The following EPB41L3 variants were observed in gnomAD, a reference collection of about 807,000 sequenced individuals.
EPB41L3 encodes the protein band 4.1-like protein 3.
EPB41L3 carries 57 observed loss-of-function variants against 127.1 expected under a neutral mutation model. That is an observed-to-expected ratio of 0.45 (90% CI 0.36 to 0.56). The LOEUF (loss-of-function observed/expected upper bound fraction) is 0.56. Among genes scored for constraint, EPB41L3 ranks in the 20% least tolerant of loss-of-function variants. The pLI, the probability that EPB41L3 is intolerant of heterozygous loss-of-function variation, is 0.00. For missense variants in EPB41L3, 1,273 were observed against 1,372.2 expected (o/e 0.93, Z 1.14); for synonymous variants, 572 against 549.5 (o/e 1.04, Z -0.57).
intron 3 of EPB41L3, among the ~76,000 whole-genome samples, chr18:5,474,980 T>A (rs372593243): frequency 1.3e-5 from 2 of 152,246 alleles, no homozygotes; most frequent in African/African-American, 4.8e-5. Flanking sequence ...TGACTTCCTA[T>A]AACTGCTACC....
intron 3 of EPB41L3, among the ~76,000 whole-genome samples, chr18:5,602,250 T>C (rs1239408638): frequency 1.3e-5 from 2 of 152,126 alleles, no homozygotes; most frequent in African/African-American, 4.8e-5. Context: ...ACTAACTCAT[T>C]TTCCCCTAAA....
At chr18:5,570,891 A>C (rs982159457) in intron 3 of EPB41L3, 2 of 152,256 alleles carry the variant, frequency 1.3e-5, no homozygotes, top group Non-Finnish European at 2.9e-5. Context: ...AGCTCTTATC[A>C]GCATTTTCCA....
intron 3 of EPB41L3, among the ~76,000 whole-genome samples, chr18:5,559,828 T>G (rs1188793003): frequency 2.0e-5 from 3 of 152,226 alleles, no homozygotes; most frequent in African/African-American, 4.8e-5. Flanking sequence ...ATAAAATCTT[T>G]TTCATCTACC....
At chr18:5,511,505 A>ATT (rs2148676698) in intron 1 of EPB41L3, among the ~76,000 whole-genome samples, 1 of 146,216 alleles carries the variant, frequency 6.8e-6, no homozygotes, top group South Asian at 2.1e-4. Flanking sequence ...TTTTTTCATA[A>ATT]TAAGTCTAAC....
At chr18:5,530,819 T>A (rs2093387626) in intron 1 of EPB41L3, among the ~76,000 whole-genome samples, 1 of 152,076 alleles carries the variant, frequency 6.6e-6, no homozygotes. Context: ...CAATTCCCCA[T>A]CACAGCACTT....
At chr18:5,549,473 G>A (rs1485758400) in intron 3 of EPB41L3, among the ~76,000 whole-genome samples, 1 of 152,172 alleles carries the variant, frequency 6.6e-6, no homozygotes, top group Non-Finnish European at 1.5e-5. Context: ...GATATCCAAG[G>A]CTGACTCATT....
In EPB41L3 at chr18:5,409,124, C is replaced by T. The variant is rs114923000; in HGVS notation, c.2122-1388G>A. Among the ~76,000 whole-genome samples, 905 of 152,260 alleles carry T rather than the reference C, an allele frequency of 5.9e-3. 2 individuals carry two copies. Among genetic ancestry groups the T allele is most frequent in the African/African-American group, 0.02 (850 of 41,554 alleles). On this transcript the variant is annotated intron_variant, in intron 14 of 22. Coordinates refer to ENST00000341928, the MANE Select transcript of EPB41L3 (RefSeq NM_012307.5). ...ATGGGACAGAGTTTCATCAGTATCA[C>T]GGGGCAAACAGGAAATTTAAACACA...
intron 11 of EPB41L3, among the ~76,000 whole-genome samples, chr18:5,422,053 C>G (rs1050775316): frequency 1.5e-4 from 23 of 151,952 alleles, no homozygotes; most frequent in African/African-American, 5.6e-4. Context: ...AGAGTGCTTT[C>G]ACATATATCT....
At chr18:5,517,351 T>C (rs1197443791) in intron 1 of EPB41L3, among the ~76,000 whole-genome samples, 1 of 152,098 alleles carries the variant, frequency 6.6e-6, no homozygotes, top group East Asian at 1.9e-4. Flanking sequence ...GTTTTCTGGG[T>C]ATCTCCCCAG....
chr18:5,400,823 C>T (rs1463202047), intron 16 of EPB41L3: 1 of 597,654 alleles, frequency 1.7e-6, no homozygotes, highest in Non-Finnish European at 2.9e-6. Flanking sequence ...ATTTTCCCTT[C>T]CCCAGAATCT....
chr18:5,614,068 T>C lies in EPB41L3; in HGVS notation c.-395+283A>G, dbSNP rs573342696. ...GAACACACAGCAGAAGGGCAAATGATACAAGATGAGGCTGCAGAAATGGAT... is the reference window on the plus strand; with the variant it reads ...GAACACACAGCAGAAGGGCAAATGACACAAGATGAGGCTGCAGAAATGGAT... On this transcript the variant is annotated intron_variant, in intron 2 of 21. Coordinates refer to the EPB41L3 transcript ENST00000545076. 2.0e-5 allele frequency among the ~76,000 whole-genome samples: 3 copies of C among 152,274 alleles called. No individual in the cohort carries two copies. The South Asian group carries it at 6.2e-4, about 32-fold the overall frequency.
chr18:5,448,083 C>T lies in EPB41L3; in HGVS notation c.382-2839G>A, dbSNP rs146514454. On this transcript the variant is annotated intron_variant, in intron 3 of 22. Transcript: ENST00000341928. Reference sequence around the variant, plus strand: ...CTATGGAAAAGGCTTTTAAGTTATTCGGGCCTCCATTTTCTCATCCTTGAG... The same window carrying T: ...CTATGGAAAAGGCTTTTAAGTTATTTGGGCCTCCATTTTCTCATCCTTGAG... Among the ~76,000 whole-genome samples, 508 of 152,280 alleles carry T rather than the reference C, an allele frequency of 3.3e-3. 1 individual carries two copies. Among genetic ancestry groups the T allele is most frequent in the Middle Eastern group, 6.8e-3 (2 of 292 alleles).
At chr18:5,408,858 ATG>A (rs1340888934) in intron 14 of EPB41L3, among the ~76,000 whole-genome samples, 4 of 152,198 alleles carry the variant, frequency 2.6e-5, no homozygotes. Context: ...CCACATGTGC[ATG>A]TAGCAGCAAA....
At chr18:5,429,872 T>C (rs764832727) in intron 8 of EPB41L3, among the ~76,000 whole-genome samples, 1 of 152,182 alleles carries the variant, frequency 6.6e-6, no homozygotes, top group Admixed American at 6.5e-5. Context: ...CTGGCATTAC[T>C]GATCCTTTAA....
chr18:5,425,919 G>A (rs2078112694), intron 9 of EPB41L3, among the ~76,000 whole-genome samples: 1 of 152,106 alleles, frequency 6.6e-6, no homozygotes, highest in African/African-American at 2.4e-5. Context: ...ATGTCATCAT[G>A]GGGCCTGACT....
In EPB41L3 at chr18:5,406,964, A is replaced by G. The variant is rs765301979; in HGVS notation, c.2162T>C (p.Leu721Pro). 4 of 1,613,804 alleles carry G rather than the reference A, an allele frequency of 2.5e-6. No homozygotes were observed. Among genetic ancestry groups the G allele is most frequent in the Non-Finnish European group, 3.4e-6 (4 of 1,179,788 alleles). Residue 721 changes from leucine to proline, a missense_variant, in exon 16 of 23, where the codon CTA becomes CCA. By Grantham distance (98) the Leu-to-Pro change is moderately conservative. This residue lies in a region of EPB41L3 where 765 missense variants were observed against 782.9 expected (regional missense o/e 0.98). Coordinates refer to ENST00000341928, the MANE Select transcript of EPB41L3 (RefSeq NM_012307.5). The part of the protein sequence containing the change: ...EEDAELKAQE[L>P]EKTQDDLMKH... ...CATCAGGTCATCTTGAGTTTTTTCT[A>G]GCTCCTATATTCAGAACATAAAGTA...
intron 13 of EPB41L3, among the ~76,000 whole-genome samples, chr18:5,411,915 C>T (rs2144441820): frequency 6.6e-6 from 1 of 152,248 alleles, no homozygotes; most frequent in African/African-American, 2.4e-5. Flanking sequence ...ATTCTGGCAC[C>T]CTTGCTACCA....
chr18:5,583,352 G>C (rs1476844430), intron 3 of EPB41L3, among the ~76,000 whole-genome samples: 1 of 152,190 alleles, frequency 6.6e-6, no homozygotes. Context: ...TTTAATCCAT[G>C]TCTACCTAAT....
In EPB41L3 at chr18:5,504,347, C is replaced by G. The variant is rs76817611; in HGVS notation, c.-11-15153G>C. Among the ~76,000 whole-genome samples, 1,243 of 152,212 alleles carry G rather than the reference C, an allele frequency of 8.2e-3. 17 individuals are homozygous for G. The highest frequency in any genetic ancestry group is 0.027 in the African/African-American group (1,112 of 41,532). On this transcript the variant is annotated intron_variant, in intron 1 of 22. Transcript: ENST00000341928. Reference sequence around the variant, plus strand: ...AGAAATTTTATTTTAGATCAAATCTCTTATATACTCAATCCTGAATGTCAA... The same window carrying G: ...AGAAATTTTATTTTAGATCAAATCTGTTATATACTCAATCCTGAATGTCAA...
Sources: gnomAD v4.1 joint callset for allele counts (sites outside exome capture counted in the v4.1 genomes callset) on GRCh38, gnomAD v4.1.1 for gene constraint, gnomAD v4.1.1 regional missense constraint, MANE v1.5 for transcripts, NCBI Gene and HGNC (gene_info 2026-07-23, HGNC 2026-07-21) for gene names.